The following RGPD1 variants were observed in gnomAD, a reference collection of about 807,000 sequenced individuals.
RGPD1 encodes the protein RANBP2-like and GRIP domain-containing protein 1.
A neutral mutation model predicts 40.6 loss-of-function variants in RGPD1; 7 were observed. That is an observed-to-expected ratio of 0.17 (90% CI 0.10 to 0.32). The LOEUF is 0.32. Ranked by LOEUF, RGPD1 falls within the 10% of genes least tolerant of loss-of-function variation. The pLI is 1.00. For synonymous variants in RGPD1, 24 were observed against 167.0 expected, an observed-to-expected ratio of 0.14 and a Z score of 6.60; for missense variants, 50 against 472.5, an observed-to-expected ratio of 0.11 and a Z score of 8.29.
intron 1 of RGPD1, among the ~76,000 whole-genome samples, chr2:86,942,995 G>A (rs551771093): frequency 1.3e-4 from 19 of 151,972 alleles, no homozygotes; most frequent in South Asian, 8.3e-4. Flanking sequence ...TTGGGCACCC[G>A]GGTGCTGTAT....
rs554591911 is a variant in RGPD1 at position 86,944,831 on chromosome 2, C to T, written c.72+2523C>T. The stretch of plus-strand genomic sequence containing the variant: ...CAATCCATCCTCCCACCTTAGCCTC[C>T]TGGGTAGCTGAGACTACAGGCATGC... On this transcript the variant is annotated intron_variant, in intron 1 of 22. Transcript: ENST00000641458. 1.6e-3 allele frequency among the ~76,000 whole-genome samples: 250 copies of T among 152,212 alleles called. 1 individual carries two copies. Among genetic ancestry groups the T allele is most frequent in the African/African-American group, 5.4e-3 (223 of 41,522 alleles).
rs1319068304 is a variant in RGPD1 at position 87,013,221 on chromosome 2, C to T, written c.*674C>T. On this transcript the variant is annotated 3_prime_UTR_variant, in exon 23 of 23. Transcript: ENST00000641458. ...AGAAAAAGATCTCATGCACCAGACC[C>T]CCTGTTTCTGCTTTCTAAAAGATCA... 7.1e-6 allele frequency: 1 copy of T among 141,410 alleles called. No homozygotes were observed. The highest frequency in any genetic ancestry group is 1.1e-4 in the African/African-American group (1 of 9,354). 8.8% of individuals were successfully genotyped at this position (141,410 alleles called of 1,614,324 possible).
intron 1 of RGPD1, among the ~76,000 whole-genome samples, chr2:86,924,490 G>C (rs1309727637): frequency 6.7e-6 from 1 of 149,888 alleles, no homozygotes; most frequent in African/African-American, 2.4e-5. Flanking sequence ...TTTAAGAGAC[G>C]GGGTGTCACT....
At chr2:86,928,341 T>G (rs1303186113) in intron 1 of RGPD1, among the ~76,000 whole-genome samples, 2 of 152,050 alleles carry the variant, frequency 1.3e-5, no homozygotes, top group East Asian at 3.9e-4. Context: ...GGCCAGAGAA[T>G]AATAAGAGAA....
Position 86,942,201 on chromosome 2 carries a change from G to A in RGPD1, c.-36G>A, listed in dbSNP as rs1343012368. The A allele has an allele frequency of 8.2e-6, 13 of 1,581,510 alleles. No individual in the cohort carries two copies. Among genetic ancestry groups the A allele is most frequent in the African/African-American group, 4.1e-5 (3 of 74,036 alleles). Reference sequence around the variant, plus strand: ...GGCGACTGCTGCGGGGCTGAGCGCTGGTTTCACGCGTCTCGGGAGCCAGGT... The same window carrying A: ...GGCGACTGCTGCGGGGCTGAGCGCTAGTTTCACGCGTCTCGGGAGCCAGGT... On this transcript the variant is annotated 5_prime_UTR_variant, in exon 1 of 23. Transcript: ENST00000641458.
chr2:86,942,773 TG>T (rs1403566672), intron 1 of RGPD1, among the ~76,000 whole-genome samples: 1 of 151,392 alleles, frequency 6.6e-6, no homozygotes, highest in Non-Finnish European at 1.5e-5. Flanking sequence ...TGGCGCGCTC[TG>T]TTGAGGCGCC....
intron 1 of RGPD1, among the ~76,000 whole-genome samples, chr2:86,944,925 C>T (rs1680227750): frequency 6.6e-6 from 1 of 151,918 alleles, no homozygotes; most frequent in Non-Finnish European, 1.5e-5. Flanking sequence ...TACCATGTTA[C>T]CCAGGCTGGT....
chr2:86,941,712 A>T (rs1679769120), upstream of RGPD1, among the ~76,000 whole-genome samples: 1 of 142,588 alleles, frequency 7.0e-6, no homozygotes, highest in Non-Finnish European at 1.5e-5. Flanking sequence ...GGATTTGAGA[A>T]TGCGCTTTGT....
intron 1 of RGPD1, among the ~76,000 whole-genome samples, chr2:86,942,511 G>GGGCGGCGGC (rs1164297369): frequency 3.4e-5 from 4 of 117,670 alleles, no homozygotes; most frequent in Non-Finnish European, 3.6e-5. Context: ...CGACCTGGCC[G>GGGCGGCGGC]GGCGGCGGCG....
chr2:86,942,211 G>A lies in RGPD1; in HGVS notation c.-26G>A, dbSNP rs970621203. 86 of 1,593,640 alleles carry A rather than the reference G, an allele frequency of 5.4e-5. 1 individual carries two copies. The highest frequency in any genetic ancestry group is 4.6e-4 in the Middle Eastern group (2 of 4,390). The stretch of plus-strand genomic sequence containing the variant: ...GCGGGGCTGAGCGCTGGTTTCACGC[G>A]TCTCGGGAGCCAGGTTGGCGGTGCG... On this transcript the variant is annotated 5_prime_UTR_variant, in exon 1 of 23. Coordinates refer to ENST00000641458, the MANE Select transcript of RGPD1 (RefSeq NM_001382344.1).
chr2:86,942,831 GGAA>G (rs1042228468), intron 1 of RGPD1, among the ~76,000 whole-genome samples: 1 of 152,028 alleles, frequency 6.6e-6, no homozygotes, highest in African/African-American at 2.4e-5. Flanking sequence ...TGCAAGCGCA[GGAA>G]GAGTCCTGGG....
intron 1 of RGPD1, among the ~76,000 whole-genome samples, chr2:86,929,689 CTTTTTTTTTTTTTT>C (rs753911867): frequency 1.9e-5 from 1 of 52,616 alleles, no homozygotes; most frequent in Non-Finnish European, 3.7e-5. Context: ...AGCCCACACT[CTTTTTTTTTTTTTT>C]TTTTTTTTTT....
intron 7 of RGPD1, among the ~76,000 whole-genome samples, chr2:86,964,343 C>CTTT (rs1161702738): frequency 1.5e-5 from 1 of 68,512 alleles, no homozygotes; most frequent in Non-Finnish European, 2.7e-5. Context: ...CATTCCCGGA[C>CTTT]TTTTTTTTTT....
At chr2:86,935,988 AAAC>A (rs1679324458) in intron 1 of RGPD1, among the ~76,000 whole-genome samples, 1 of 137,808 alleles carries the variant, frequency 7.3e-6, no homozygotes, top group African/African-American at 2.6e-5. Context: ...TTCTTATCAA[AAAC>A]AAATTTGTTG....
At chr2:86,956,014 A>T (rs1333064672) in intron 4 of RGPD1, among the ~76,000 whole-genome samples, 2 of 150,948 alleles carry the variant, frequency 1.3e-5, no homozygotes, top group East Asian at 2.0e-4. Flanking sequence ...CCTTTCCTGT[A>T]TCAGATTTTT....
intron 1 of RGPD1, among the ~76,000 whole-genome samples, chr2:86,931,253 C>G (rs1457309989): frequency 1.3e-5 from 2 of 151,742 alleles, no homozygotes; most frequent in African/African-American, 4.9e-5. Context: ...TTTTTCACTG[C>G]TTTCATTACT....
rs933529924 is a variant in RGPD1 at position 86,942,249 on chromosome 2, A to T, written c.13A>T (p.Lys5Ter). 2.5e-6 allele frequency: 4 copies of T among 1,606,522 alleles called. No individual in the cohort carries two copies. In the African/African-American group the frequency reaches 5.4e-5, roughly 22 times the overall value. The change falls in exon 1 of 23, where the codon AAG (lysine) becomes TAG (stop). Residue 5 changes from lysine (K) to a stop codon, truncating the protein, a stop_gained. Transcript: ENST00000641458. LOFTEE classifies it high-confidence loss of function. MRRS[K>*]AYGERYVASV... is the part of the protein sequence containing the mutation. ...GGTTGGCGGTGCGATGAGGCGCAGC[A>T]AGGCCTACGGGGAGCGGTACGTCGC...
chr2:86,942,661 G>A (rs1461763348), intron 1 of RGPD1, among the ~76,000 whole-genome samples: 3 of 138,712 alleles, frequency 2.2e-5, no homozygotes, highest in Non-Finnish European at 3.1e-5. Context: ...CTGGCCGGGC[G>A]GCGGCGGCGG....
intron 1 of RGPD1, among the ~76,000 whole-genome samples, chr2:86,925,563 C>T (rs1219713002): frequency 6.6e-6 from 1 of 152,136 alleles, no homozygotes; most frequent in Non-Finnish European, 1.5e-5. Context: ...CCACTGTGCC[C>T]AGCCAAGGAT....
Sources: allele counts gnomAD v4.1 joint callset (sites outside exome capture counted in the v4.1 genomes callset), GRCh38; gene constraint gnomAD v4.1.1; transcripts MANE v1.5; gene names NCBI Gene and HGNC (gene_info 2026-07-23, HGNC 2026-07-21).